Variants in USP33 observed in about 807,000 individuals in gnomAD.
USP33 encodes the protein ubiquitin specific peptidase 33.
In USP33, 46 loss-of-function variants were observed where a neutral mutation model predicts 124.2. That is an observed-to-expected ratio of 0.37 (90% CI 0.29 to 0.47). The LOEUF is 0.47. USP33 is among the 20% of genes least tolerant of loss of function. The pLI is 0.99. For missense variants in USP33, 851 were observed against 1,070.6 expected (o/e 0.79, Z 2.86); for synonymous variants, 350 against 352.3 (o/e 0.99, Z 0.07).
chr1:77,698,399 T>C (rs1673637035), intron 22 of USP33, among the ~76,000 whole-genome samples: 1 of 151,824 alleles, frequency 6.6e-6, no homozygotes, highest in Non-Finnish European at 1.5e-5. Flanking sequence ...TGTCTTCTCC[T>C]GAGCTTCTTC....
chr1:77,717,869 C>T lies in USP33; in HGVS notation c.1916G>A (p.Ser639Asn), dbSNP rs1334336822. 1.2e-6 allele frequency: 2 copies of T among 1,606,820 alleles called. No homozygotes were observed. Among genetic ancestry groups the T allele is most frequent in the Non-Finnish European group, 1.7e-6 (2 of 1,177,390 alleles). ...LSVICHHGTA[S>N]SGHYIAYCRN... is the part of the protein sequence containing the mutation. ...AACTGTTAAACCTATATACTTACTA[C>T]TTGCAGTTCCATGATGGCAAATGAC... is the stretch of plus-strand genomic sequence containing the variant. Residue 639 changes from serine (S) to asparagine (N), a missense_variant and splice_region_variant, in exon 17 of 24, where the codon AGT becomes AAT. Coordinates refer to ENST00000370794, the MANE Select transcript of USP33 (RefSeq NM_201624.3).
chr1:77,716,502 TCGA>T (rs925569398), intron 17 of USP33, among the ~76,000 whole-genome samples: 1 of 152,170 alleles, frequency 6.6e-6, no homozygotes, highest in African/African-American at 2.4e-5. Context: ...GACAGCAGCC[TCGA>T]CGAGCCAGTG....
At chr1:77,751,781 C>A (rs919394029) in intron 1 of USP33, among the ~76,000 whole-genome samples, 2 of 151,814 alleles carry the variant, frequency 1.3e-5, no homozygotes, top group African/African-American at 4.8e-5. Context: ...CTCCACCTCC[C>A]GGGTTCACGC....
At chr1:77,697,750 A>G in intron 23 of USP33, 113 bp downstream of exon 23, 1 of 1,130,876 alleles carries the variant, frequency 8.8e-7, no homozygotes, top group Non-Finnish European at 1.3e-6. Context: ...TAGTTAATGT[A>G]TGGATTACAT....
At chr1:77,707,663 CAG>C (rs1220214738) in intron 21 of USP33, among the ~76,000 whole-genome samples, 1 of 152,112 alleles carries the variant, frequency 6.6e-6, no homozygotes, top group Admixed American at 6.6e-5. Flanking sequence ...TCAAACCCTT[CAG>C]AAATGAAGGT....
Position 77,713,293 on chromosome 1 carries a change from T to C in USP33, c.2216-12A>G, listed in dbSNP as rs764854379. On this transcript the variant is annotated splice_polypyrimidine_tract_variant and intron_variant, in intron 19 of 23. Coordinates refer to ENST00000370794, the MANE Select transcript of USP33 (RefSeq NM_201624.3). ...TCTTGGAGGAACACCTAAAAAAATA[T>C]ATAAACATATCTGTTTCATGCTTTT... The C allele has an allele frequency of 4.5e-6, 7 of 1,561,888 alleles. No homozygotes were observed. The highest frequency in any genetic ancestry group is 1.4e-5 in the African/African-American group (1 of 70,598).
chr1:77,750,530 G>A (rs1680198712), intron 1 of USP33, among the ~76,000 whole-genome samples: 1 of 151,754 alleles, frequency 6.6e-6, no homozygotes, highest in African/African-American at 2.4e-5. Context: ...ACTGAGGCAG[G>A]AGAATCCCTT....
At chr1:77,755,952 C>T (rs995534372) in intron 1 of USP33, among the ~76,000 whole-genome samples, 31 of 152,306 alleles carry the variant, frequency 2.0e-4, no homozygotes, top group Middle Eastern at 6.8e-3. Context: ...AATGACTGGT[C>T]ATCAACACTC....
At chr1:77,712,322 G>A (rs1420606042) in intron 20 of USP33, among the ~76,000 whole-genome samples, 4 of 152,174 alleles carry the variant, frequency 2.6e-5, no homozygotes, top group South Asian at 4.1e-4. Flanking sequence ...CAGGAGTTGC[G>A]AGACCAACCT....
chr1:77,708,162 T>C (rs1674837559), intron 21 of USP33, among the ~76,000 whole-genome samples: 2 of 152,218 alleles, frequency 1.3e-5, no homozygotes, highest in South Asian at 4.1e-4. Context: ...TGTGCTCTAT[T>C]ATCTGTTAAT....
chr1:77,748,017 A>G (rs1471818515), intron 1 of USP33, among the ~76,000 whole-genome samples: 1 of 152,222 alleles, frequency 6.6e-6, no homozygotes, highest in East Asian at 1.9e-4. Context: ...TTTGGTAACA[A>G]AAGACACACC....
rs1304565029 is a variant in USP33, at chr1:77,740,954, A to G, written c.136-15T>C. 4.7e-6 allele frequency: 7 copies of G among 1,492,894 alleles called. No homozygotes were observed. 92.5% of individuals were successfully genotyped at this position (1,492,894 alleles called of 1,614,324 possible). A position where few individuals can be genotyped will look rare whatever the true frequency, so the allele number is the denominator to read the frequency against. ...GAACATCTATTCTATAAATAATTAT[A>G]TAGGAAGAAAAATAAGGTACTTTAT... On this transcript the variant is annotated splice_polypyrimidine_tract_variant and intron_variant, in intron 3 of 23. Coordinates refer to ENST00000370794, the MANE Select transcript of USP33 (RefSeq NM_201624.3).
chr1:77,756,528 A>G (rs1352530724), intron 1 of USP33, among the ~76,000 whole-genome samples: 3 of 152,132 alleles, frequency 2.0e-5, no homozygotes, highest in Non-Finnish European at 4.4e-5. Flanking sequence ...GCCAAGCCCT[A>G]CCTAACCAGT....
intron 1 of USP33, among the ~76,000 whole-genome samples, chr1:77,743,458 T>C (rs752628072): frequency 2.0e-5 from 3 of 152,080 alleles, no homozygotes; most frequent in Non-Finnish European, 2.9e-5. Flanking sequence ...GGAACCACTC[T>C]AGGGTTAATA....
chr1:77,726,748 T>C (rs1023398859), intron 10 of USP33, among the ~76,000 whole-genome samples: 2 of 151,826 alleles, frequency 1.3e-5, no homozygotes, highest in Non-Finnish European at 2.9e-5. Context: ...ATAATCAAAA[T>C]CAAGAAATGT....
At chr1:77,731,210 T>C (rs1294650021) in intron 7 of USP33, among the ~76,000 whole-genome samples, 1 of 152,210 alleles carries the variant, frequency 6.6e-6, no homozygotes, top group Admixed American at 6.5e-5. Context: ...TGGTCAAATT[T>C]ATATAAAGTC....
At chr1:77,697,544 AC>A (rs1363473769) in intron 23 of USP33, 70 bp from the exon 24 acceptor site, 10 of 1,481,240 alleles carry the variant, frequency 6.8e-6, no homozygotes, top group East Asian at 2.3e-5. Flanking sequence ...TTCATAATGT[AC>A]CCCCCAGCAT....
At position 77,697,304 on chromosome 1, in the gene USP33, T is replaced by C. The variant is rs369760926; in HGVS notation, c.*13A>G. ...AAAATGATTCCTCATTAGAACTCTCTACATCCTAAAAATTACAAAGACCGA... is the reference window on the plus strand; with the variant it reads ...AAAATGATTCCTCATTAGAACTCTCCACATCCTAAAAATTACAAAGACCGA... On this transcript the variant is annotated 3_prime_UTR_variant, in exon 24 of 24. Transcript: ENST00000370794. 59 of 1,589,882 alleles carry C rather than the reference T, an allele frequency of 3.7e-5. No individual in the cohort carries two copies. Among genetic ancestry groups the C allele is most frequent in the Non-Finnish European group, 4.3e-6 (5 of 1,170,688 alleles).
intron 7 of USP33, among the ~76,000 whole-genome samples, chr1:77,733,807 T>C (rs547996905): frequency 6.6e-6 from 1 of 152,316 alleles, no homozygotes; most frequent in African/African-American, 2.4e-5. Flanking sequence ...AGACATACGT[T>C]CAATCTCCAA....
Sources: gnomAD v4.1 joint callset for allele counts (sites outside exome capture counted in the v4.1 genomes callset) on GRCh38, gnomAD v4.1.1 for gene constraint, MANE v1.5 for transcripts, NCBI Gene and HGNC (gene_info 2026-07-23, HGNC 2026-07-21) for gene names.